The following OTUD7B variants were observed in gnomAD, a reference collection of about 807,000 sequenced individuals.
OTUD7B encodes OTU domain-containing protein 7B.
In OTUD7B, 34 loss-of-function variants were observed where a neutral mutation model predicts 82.2. The ratio of observed to expected loss-of-function variants is 0.41; its 90% CI spans 0.31 to 0.55. The LOEUF is 0.55. Ranked by LOEUF, OTUD7B falls within the 20% of genes least tolerant of loss-of-function variation. The probability of loss-of-function intolerance (pLI) is 0.20; values close to 1 mark genes in which losing one functional copy is unlikely to be tolerated. For missense variants in OTUD7B, 944 were observed against 1,062.1 expected (o/e 0.89, Z 1.55); for synonymous variants, 398 against 402.7 (o/e 0.99, Z 0.14).
chr1:149,982,533 C>G (rs587754547), intron 1 of OTUD7B, among the ~76,000 whole-genome samples: 7 of 152,160 alleles, frequency 4.6e-5, no homozygotes, highest in Admixed American at 4.6e-4. Context: ...GATCTTGGCT[C>G]ACTGCAACCT....
chr1:150,012,041 C>CA (rs1559873857), upstream of OTUD7B, among the ~76,000 whole-genome samples: 1 of 152,200 alleles, frequency 6.6e-6, no homozygotes, highest in Non-Finnish European at 1.5e-5. Context: ...CCAAACAAGT[C>CA]AGAGTGCCTT....
At chr1:150,054,637 G>T in the OTUD7B span, 1 of 348,572 alleles carries the variant, frequency 2.9e-6, no homozygotes, top group South Asian at 2.3e-5. Flanking sequence ...GTGAAATCCT[G>T]TCTCTACTAA....
intron 2 of OTUD7B, among the ~76,000 whole-genome samples, chr1:149,974,862 TTTC>T (rs1466932950): frequency 0.01 from 6 of 600 alleles, no homozygotes; most frequent in South Asian, 0.11. Context: ...TTTCTTTTTC[TTTC>T]TTTTTTTTTT....
rs782295245 is a variant in OTUD7B at position 149,944,622 on chromosome 1, G to A, written c.1767C>T (p.Ser589=). Reference sequence around the variant, plus strand: ...TGCTCAGGCTCTGCATCACCTCCTGGCTATACTTGCTCCCTCCGTTACCAA... The same window carrying A: ...TGCTCAGGCTCTGCATCACCTCCTGACTATACTTGCTCCCTCCGTTACCAA... The part of the protein sequence containing the change: ...ESVGNGGSKY[S]QEVMQSLSIL... Residue 589 remains serine (S), a synonymous_variant, in exon 12 of 12, where the codon AGC becomes AGT. Coordinates refer to ENST00000581312, the MANE Select transcript of OTUD7B (RefSeq NM_020205.4). The A allele has an allele frequency of 1.2e-6, 2 of 1,613,946 alleles. No homozygotes were observed. The highest frequency in any genetic ancestry group is 1.7e-5 in the Admixed American group (1 of 60,010).
chr1:149,997,556 T>C (rs915179128), intron 1 of OTUD7B, among the ~76,000 whole-genome samples: 2 of 152,176 alleles, frequency 1.3e-5, no homozygotes, highest in Admixed American at 6.5e-5. Flanking sequence ...GGGACACTAA[T>C]TGTATCTTCA....
At chr1:149,969,859 G>A (rs1364297348) in intron 3 of OTUD7B, among the ~76,000 whole-genome samples, 1 of 152,004 alleles carries the variant, frequency 6.6e-6, no homozygotes, top group African/African-American at 2.4e-5. Context: ...GCACCACCAT[G>A]CCCAGCTAAT....
intron 1 of OTUD7B, among the ~76,000 whole-genome samples, chr1:150,006,766 C>T (rs968056075): frequency 2.0e-5 from 3 of 152,144 alleles, no homozygotes; most frequent in South Asian, 2.1e-4. Context: ...TGGTGCACTA[C>T]GAGACAGGAA....
At chr1:149,958,472 C>T (rs114706000) in intron 7 of OTUD7B, among the ~76,000 whole-genome samples, 5,284 of 151,588 alleles carry the variant, frequency 0.035, 310 homozygotes, top group African/African-American at 0.12. Context: ...GGATTACAGC[C>T]GCCTAGCACC....
the OTUD7B span, among the ~76,000 whole-genome samples, chr1:150,016,446 C>CTTTTCTTTT: frequency 4.8e-4 from 62 of 130,020 alleles, 7 homozygotes; most frequent in Non-Finnish European, 5.3e-4. Flanking sequence ...TTTCTCTTTT[C>CTTTTCTTTT]TTTTTCTTTT....
chr1:149,970,538 C>G (rs905315221), intron 3 of OTUD7B, among the ~76,000 whole-genome samples: 3 of 151,922 alleles, frequency 2.0e-5, no homozygotes, highest in Non-Finnish European at 4.4e-5. Context: ...AGACTGGTCT[C>G]GAACTCCTGA....
In OTUD7B at chr1:149,965,844, G is replaced by A. The variant is rs1333520080; in HGVS notation, c.537C>T (p.Thr179=). The A allele has an allele frequency of 3.1e-6, 5 of 1,613,930 alleles. No homozygotes were observed. The East Asian group carries it at 1.1e-4, about 36-fold the overall frequency. The part of the protein sequence containing the change: ...RLNWWVSVDP[T]SQRLLPLATT... ...TTGCCAAAGGAAGCAGCCTCTGAGAGGTGGGATCCACACTCACCCACCAGT... is the reference window on the plus strand; with the variant it reads ...TTGCCAAAGGAAGCAGCCTCTGAGAAGTGGGATCCACACTCACCCACCAGT... Residue 179 remains threonine, a synonymous_variant, in exon 5 of 12, where the codon ACC becomes ACT. Coordinates refer to ENST00000581312, the MANE Select transcript of OTUD7B (RefSeq NM_020205.4).
Position 149,945,076 on chromosome 1 carries a change from C to A in OTUD7B, c.1324-11G>T. The A allele has an allele frequency of 6.2e-7, 1 of 1,609,742 alleles. No homozygotes were observed. The highest frequency in any genetic ancestry group is 8.5e-7 in the Non-Finnish European group (1 of 1,178,412). On this transcript the variant is annotated splice_polypyrimidine_tract_variant and intron_variant, in intron 11 of 11. Transcript: ENST00000581312. The stretch of plus-strand genomic sequence containing the variant: ...CTGGGCCAGAGGAGCCTGGAAGAGA[C>A]AAGAACACTGTTGACAGTTATCCCA...
the OTUD7B span, among the ~76,000 whole-genome samples, chr1:150,062,468 T>G: frequency 6.6e-6 from 1 of 152,196 alleles, no homozygotes; most frequent in Admixed American, 6.5e-5. Context: ...GAATTCCCTT[T>G]TCTAATCTTT....
the OTUD7B span, among the ~76,000 whole-genome samples, chr1:150,022,244 A>G: frequency 6.6e-6 from 1 of 151,944 alleles, no homozygotes; most frequent in African/African-American, 2.4e-5. Flanking sequence ...CTAAAAATAC[A>G]AAGATTAGCC....
intron 1 of OTUD7B, among the ~76,000 whole-genome samples, 182 bp from the exon 2 acceptor site, chr1:149,977,758 C>T (rs587730202): frequency 5.9e-5 from 9 of 152,290 alleles, no homozygotes; most frequent in African/African-American, 2.2e-4. Flanking sequence ...TCTTCATTAA[C>T]ATCTCAACAT....
chr1:150,032,481 A>T, the OTUD7B span, among the ~76,000 whole-genome samples: 318 of 142,624 alleles, frequency 2.2e-3, 3 homozygotes, highest in Non-Finnish European at 3.7e-3. Flanking sequence ...AAAAAAAAAA[A>T]AAAAATAGCC....
At chr1:150,039,690 A>C in the OTUD7B span, among the ~76,000 whole-genome samples, 1 of 152,206 alleles carries the variant, frequency 6.6e-6, no homozygotes, top group Admixed American at 6.5e-5. Flanking sequence ...AAAATGTTTT[A>C]AAGTGTCTTT....
chr1:150,065,428 AC>A, the OTUD7B span, among the ~76,000 whole-genome samples: 1 of 152,120 alleles, frequency 6.6e-6, no homozygotes, highest in Non-Finnish European at 1.5e-5. Context: ...GATTTCTTGG[AC>A]CCAGTGAAAA....
chr1:150,002,206 T>C (rs950073535), intron 1 of OTUD7B, among the ~76,000 whole-genome samples: 148 of 1,010 alleles, frequency 0.15, no homozygotes, highest in African/African-American at 0.31. Flanking sequence ...TGTTTAGATA[T>C]TCTTTTTTTT....
Sources: gnomAD v4.1 joint callset for allele counts (sites outside exome capture counted in the v4.1 genomes callset) on GRCh38, gnomAD v4.1.1 for gene constraint, MANE v1.5 for transcripts, NCBI Gene and HGNC (gene_info 2026-07-23, HGNC 2026-07-21) for gene names.